Variants in CYS1 observed in about 807,000 individuals in gnomAD.
CYS1 encodes the protein cystin-1.
Under a neutral mutation model 9.6 loss-of-function variants are expected in CYS1, and 5 were observed. The observed-to-expected ratio is 0.52, with a 90% confidence interval of 0.27 to 1.10. The LOEUF (loss-of-function observed/expected upper bound fraction) is 1.10. Ranked by LOEUF, CYS1 falls within the 50% of genes least tolerant of loss-of-function variation. The probability of loss-of-function intolerance (pLI) is 0.11; values close to 1 mark genes in which losing one functional copy is unlikely to be tolerated. For synonymous variants in CYS1, 88 were observed against 95.7 expected (o/e 0.92, Z 0.47); for missense variants, 221 against 207.9 (o/e 1.06, Z -0.39).
At chr2:10,064,157 A>T (rs1661664438) in intron 2 of CYS1, among the ~76,000 whole-genome samples, 1 of 152,144 alleles carries the variant, frequency 6.6e-6, no homozygotes, top group African/African-American at 2.4e-5. Context: ...CGGGTGGTGG[A>T]GACTGCGGTG....
At position 10,080,187 on chromosome 2, in the gene CYS1, T is replaced by C. The variant is rs986760814; in HGVS notation, c.37A>G (p.Arg13Gly). The C allele has an allele frequency of 1.0e-4, 107 of 1,069,138 alleles. No homozygotes were observed. The highest frequency in any genetic ancestry group is 1.2e-4 in the Non-Finnish European group (105 of 886,184). 66.2% of individuals were successfully genotyped at this position (1,069,138 alleles called of 1,614,324 possible). A position where few individuals can be genotyped will look rare whatever the true frequency, so the allele number is the denominator to read the frequency against. ...AGGCTCTCGGGGCTGCGCCGCCGCC[T>C]CAGAGTCCGGCTGCTCCGGCTGCTG... is the stretch of plus-strand genomic sequence containing the variant. ...SGSSRSSRTLRRRRSPESLPA... is the reference protein window; with the variant it reads ...SGSSRSSRTLGRRRSPESLPA... The change falls in exon 1 of 3, where the codon AGG (arginine) becomes GGG (glycine). Residue 13 changes from arginine (R) to glycine (G), a missense_variant. Transcript: ENST00000381813. The surrounding 1 kb of genome is among the most constrained non-coding windows in gnomAD (Gnocchi z 6.4).
chr2:10,070,122 C>T (rs570299620), intron 1 of CYS1, among the ~76,000 whole-genome samples: 7 of 152,126 alleles, frequency 4.6e-5, no homozygotes, highest in African/African-American at 1.2e-4. Flanking sequence ...TCACTGTGAA[C>T]GCTCAGCAGG....
At position 10,080,001 on chromosome 2, in the gene CYS1, C is replaced by G; in HGVS notation, c.223G>C (p.Asp75His). Residue 75 changes from aspartate to histidine, a missense_variant, in exon 1 of 3, where the codon GAC becomes CAC. By Grantham distance (81) the Asp-to-His change is moderately conservative. Transcript: ENST00000381813. The surrounding 1 kb of genome is among the most constrained non-coding windows in gnomAD (Gnocchi z 6.4). ...DGRDETLRLL[D>H]ELLAESAAWG... is the part of the protein sequence containing the mutation. ...GCCGCCGACTCGGCCAGCAGCTCGT[C>G]CAGCAGGCGCAGCGTCTCGTCCCTG... is the stretch of plus-strand genomic sequence containing the variant. 1 of 1,088,858 alleles carries G rather than the reference C, an allele frequency of 9.2e-7. No individual in the cohort carries two copies. The highest frequency in any genetic ancestry group is 1.1e-6 in the Non-Finnish European group (1 of 897,474). 67.4% of individuals were successfully genotyped at this position (1,088,858 alleles called of 1,614,324 possible).
At chr2:10,078,203 T>C (rs1572462692) in intron 1 of CYS1, among the ~76,000 whole-genome samples, 1 of 151,588 alleles carries the variant, frequency 6.6e-6, no homozygotes, top group African/African-American at 2.4e-5. Context: ...CCTGAAACCA[T>C]CTCCTCTGCA....
At chr2:10,077,944 T>A (rs1478829484) in intron 1 of CYS1, among the ~76,000 whole-genome samples, 1 of 151,884 alleles carries the variant, frequency 6.6e-6, no homozygotes, top group Non-Finnish European at 1.5e-5. Flanking sequence ...ACCCCGTCTC[T>A]TCTAAAAATA....
At chr2:10,075,605 C>G (rs1313088787) in intron 1 of CYS1, among the ~76,000 whole-genome samples, 2 of 152,174 alleles carry the variant, frequency 1.3e-5, no homozygotes, top group Non-Finnish European at 2.9e-5. Context: ...TGTGACTGCT[C>G]TCTTTACACC....
intron 1 of CYS1, among the ~76,000 whole-genome samples, chr2:10,069,047 G>A (rs1661731050): frequency 6.6e-6 from 1 of 151,866 alleles, no homozygotes; most frequent in South Asian, 2.1e-4. Context: ...GGGTGACAGA[G>A]CGAGGCTCTG....
intron 1 of CYS1, among the ~76,000 whole-genome samples, chr2:10,073,444 CG>C (rs745707869): frequency 6.6e-6 from 1 of 152,146 alleles, no homozygotes; most frequent in Non-Finnish European, 1.5e-5. Context: ...CAAAGTCCTC[CG>C]ATGTAAATAA....
chr2:10,065,460 G>A lies in CYS1; in HGVS notation c.371+444C>T, dbSNP rs773478829. ...AGGAGGAAATGAGCCCAGGCTCCTC[G>A]CCTGCTACCTTCAAGGGTGTTCAGC... On this transcript the variant is annotated intron_variant, in intron 2 of 2. Transcript: ENST00000381813. 2.6e-5 allele frequency among the ~76,000 whole-genome samples: 4 copies of A among 152,172 alleles called. No individual in the cohort carries two copies. The East Asian group carries it at 7.7e-4, about 29-fold the overall frequency.
At chr2:10,074,843 C>T (rs908508200) in intron 1 of CYS1, among the ~76,000 whole-genome samples, 5 of 152,124 alleles carry the variant, frequency 3.3e-5, no homozygotes, top group East Asian at 1.9e-4. Flanking sequence ...CAGGTGCGGT[C>T]GCTCATGCCT....
intron 2 of CYS1, among the ~76,000 whole-genome samples, chr2:10,064,301 G>A: frequency 6.6e-6 from 1 of 152,184 alleles, no homozygotes; most frequent in East Asian, 1.9e-4. Context: ...GTGAGTGGTA[G>A]TAACGGATAT....
At chr2:10,078,085 AAC>A (rs1344071959) in intron 1 of CYS1, among the ~76,000 whole-genome samples, 3 of 148,168 alleles carry the variant, frequency 2.0e-5, no homozygotes, top group Non-Finnish European at 4.5e-5. Flanking sequence ...TAGCCTGGGC[AAC>A]AGAGTGAAAC....
chr2:10,080,231 C>A lies in CYS1; in HGVS notation c.-8G>T. On this transcript the variant is annotated 5_prime_UTR_variant, in exon 1 of 3. Coordinates refer to ENST00000381813, the MANE Select transcript of CYS1 (RefSeq NM_001037160.3). This position sits in a 1 kb window ranked among gnomAD's most constrained non-coding sequence, Gnocchi z 6.4. ...GCTGCTGCCGCTGCCCATGGCGCGC[C>A]CGCCGCCTCCCGGACCGCCGAGGGG... 9.5e-7 allele frequency: 1 copy of A among 1,047,786 alleles called. No individual in the cohort carries two copies. The highest frequency in any genetic ancestry group is 4.3e-5 in the South Asian group (1 of 23,510). 64.9% of individuals were successfully genotyped at this position (1,047,786 alleles called of 1,614,324 possible). A position where few individuals can be genotyped will look rare whatever the true frequency, so the allele number is the denominator to read the frequency against.
chr2:10,065,748 C>G (rs1029044673), intron 2 of CYS1, among the ~76,000 whole-genome samples, 156 bp downstream of exon 2: 1 of 152,182 alleles, frequency 6.6e-6, no homozygotes, highest in South Asian at 2.1e-4. Flanking sequence ...GCAGGACCTT[C>G]CCTTGAGGGC....
intron 1 of CYS1, among the ~76,000 whole-genome samples, chr2:10,067,316 C>A (rs978054139): frequency 1.3e-5 from 2 of 152,002 alleles, no homozygotes; most frequent in Admixed American, 6.6e-5. Flanking sequence ...CTGTGCCCAG[C>A]CAGCAATGTT....
intron 1 of CYS1, among the ~76,000 whole-genome samples, chr2:10,073,320 C>T (rs989117301): frequency 2.0e-5 from 3 of 151,460 alleles, no homozygotes; most frequent in African/African-American, 7.3e-5. Flanking sequence ...GCAAGGGAGA[C>T]CCAGAGAGGC....
intron 1 of CYS1, among the ~76,000 whole-genome samples, chr2:10,075,707 C>T (rs955939233): frequency 6.6e-6 from 1 of 152,194 alleles, no homozygotes; most frequent in Non-Finnish European, 1.5e-5. Flanking sequence ...TCCATGGCTA[C>T]AGCAAATGGA....
intron 1 of CYS1, among the ~76,000 whole-genome samples, chr2:10,069,645 G>A (rs547756635): frequency 7.4e-4 from 113 of 152,218 alleles, no homozygotes; most frequent in Non-Finnish European, 1.5e-3. Flanking sequence ...GGGATAACAG[G>A]TGTGAGCCAC....
chr2:10,077,572 C>T (rs550139127), intron 1 of CYS1, among the ~76,000 whole-genome samples: 2 of 152,310 alleles, frequency 1.3e-5, no homozygotes, highest in South Asian at 4.1e-4. Context: ...CACCTGTAAT[C>T]CCAGCACTTT....
Sources: gnomAD v4.1 joint callset for allele counts (sites outside exome capture counted in the v4.1 genomes callset) on GRCh38, gnomAD v4.1.1 for gene constraint, Gnocchi (gnomAD v3.1) non-coding constraint, MANE v1.5 for transcripts, NCBI Gene and HGNC (gene_info 2026-07-23, HGNC 2026-07-21) for gene names.